The following GRM8 variants were observed in gnomAD, a reference collection of about 807,000 sequenced individuals.
The protein encoded by GRM8 is metabotropic glutamate receptor 8.
GRM8 carries 47 observed loss-of-function variants against 87.2 expected under a neutral mutation model. That is an observed-to-expected ratio of 0.54 (90% CI 0.43 to 0.69). The LOEUF (loss-of-function observed/expected upper bound fraction) is 0.69, where lower values mean the gene tolerates loss of function less well. Among genes scored for constraint, GRM8 ranks in the 30% least tolerant of loss-of-function variants. The pLI, the probability that GRM8 is intolerant of heterozygous loss-of-function variation, is 0.00. For synonymous variants in GRM8, 396 were observed against 404.5 expected (o/e 0.98, Z 0.25); for missense variants, 1,019 against 1,139.2 (o/e 0.89, Z 1.52).
intron 3 of GRM8, among the ~76,000 whole-genome samples, chr7:126,927,238 T>C (rs1276977799): frequency 6.6e-6 from 1 of 152,176 alleles, no homozygotes; most frequent in African/African-American, 2.4e-5. Context: ...TGGGCTCAAC[T>C]GATCTTACCA....
intron 9 of GRM8, among the ~76,000 whole-genome samples, chr7:126,479,672 G>A (rs1408959978): frequency 6.6e-6 from 1 of 151,882 alleles, no homozygotes; most frequent in Non-Finnish European, 1.5e-5. Flanking sequence ...TTAAATAATG[G>A]TACTATGAAC....
At chr7:127,178,710 C>T (rs1794258087) in intron 2 of GRM8, among the ~76,000 whole-genome samples, 1 of 152,192 alleles carries the variant, frequency 6.6e-6, no homozygotes, top group African/African-American at 2.4e-5. Flanking sequence ...AAACAATTAT[C>T]AGCCAAGAAT....
intron 8 of GRM8, among the ~76,000 whole-genome samples, chr7:126,568,984 A>G (rs764399732): frequency 3.3e-5 from 5 of 152,194 alleles, no homozygotes; most frequent in Non-Finnish European, 5.9e-5. Flanking sequence ...ATCCTGAATA[A>G]ATAAACCAGA....
chr7:126,940,032 C>A (rs540044167), intron 3 of GRM8, among the ~76,000 whole-genome samples: 1 of 152,114 alleles, frequency 6.6e-6, no homozygotes, highest in Non-Finnish European at 1.5e-5. Flanking sequence ...ATCATTTTAC[C>A]AAACATCCAG....
intron 3 of GRM8, among the ~76,000 whole-genome samples, chr7:127,037,408 A>G (rs1037374276): frequency 6.6e-6 from 1 of 152,148 alleles, no homozygotes; most frequent in African/African-American, 2.4e-5. Context: ...GGAAGAGCCC[A>G]GGTCTCTCAC....
At chr7:126,562,383 T>G (rs963413794) in intron 8 of GRM8, among the ~76,000 whole-genome samples, 1 of 152,210 alleles carries the variant, frequency 6.6e-6, no homozygotes, top group Non-Finnish European at 1.5e-5. Flanking sequence ...GGTAACAGAA[T>G]GGCTGGTTGG....
intron 3 of GRM8, chr7:127,084,265 T>C (rs990406129): frequency 2.0e-5 from 3 of 152,140 alleles, no homozygotes; most frequent in East Asian, 3.9e-4. Flanking sequence ...TGGTAGAATA[T>C]TAAAAATAGA....
chr7:126,560,184 C>T (rs1436765243), intron 8 of GRM8, among the ~76,000 whole-genome samples: 1 of 152,146 alleles, frequency 6.6e-6, no homozygotes, highest in Non-Finnish European at 1.5e-5. Flanking sequence ...TTCAAATCCA[C>T]ATAATTTTTA....
At chr7:126,688,739 G>GACACATAC (rs1554452979) in intron 7 of GRM8, among the ~76,000 whole-genome samples, 2 of 145,720 alleles carry the variant, frequency 1.4e-5, no homozygotes, top group African/African-American at 5.1e-5. Context: ...CTCTCTTTCT[G>GACACATAC]ACACACACAC....
intron 3 of GRM8, among the ~76,000 whole-genome samples, chr7:126,956,320 CT>C (rs1374809980): frequency 6.6e-6 from 1 of 152,052 alleles, no homozygotes; most frequent in Non-Finnish European, 1.5e-5. Context: ...CACTATATCA[CT>C]TACTATTATA....
intron 9 of GRM8, among the ~76,000 whole-genome samples, chr7:126,497,945 G>A (rs1809026595): frequency 6.6e-6 from 1 of 151,938 alleles, no homozygotes; most frequent in Non-Finnish European, 1.5e-5. Context: ...AAAGTGCAAG[G>A]GAATAATTGG....
chr7:126,922,736 G>A (rs761362563), intron 3 of GRM8, among the ~76,000 whole-genome samples: 1 of 152,080 alleles, frequency 6.6e-6, no homozygotes, highest in Non-Finnish European at 1.5e-5. Context: ...GGAGGTGATT[G>A]GATCATGTGG....
chr7:126,692,517 C>T (rs996226152), intron 7 of GRM8, among the ~76,000 whole-genome samples: 1 of 152,196 alleles, frequency 6.6e-6, no homozygotes, highest in Non-Finnish European at 1.5e-5. Context: ...ATCTTCAGGA[C>T]ATGGCATTAC....
intron 10 of GRM8, among the ~76,000 whole-genome samples, chr7:126,443,952 T>G (rs1801731511): frequency 6.6e-6 from 1 of 151,942 alleles, no homozygotes; most frequent in Non-Finnish European, 1.5e-5. Context: ...GGTGAAAAAG[T>G]TTATTAAATT....
chr7:126,929,941 A>C (rs1805588181), intron 3 of GRM8, among the ~76,000 whole-genome samples: 1 of 149,588 alleles, frequency 6.7e-6, no homozygotes, highest in African/African-American at 2.5e-5. Flanking sequence ...GAGATAATTA[A>C]ATAATATTTG....
chr7:126,538,261 C>A (rs1816079627), intron 8 of GRM8, among the ~76,000 whole-genome samples: 1 of 152,132 alleles, frequency 6.6e-6, no homozygotes, highest in Non-Finnish European at 1.5e-5. Flanking sequence ...AATTTTCAAT[C>A]TTTTCAGAAA....
At chr7:127,014,933 G>C (rs919432036) in intron 3 of GRM8, among the ~76,000 whole-genome samples, 2 of 139,154 alleles carry the variant, frequency 1.4e-5, no homozygotes, top group Non-Finnish European at 3.0e-5. Context: ...GAAGGAGAGA[G>C]AGAGAGAGAG....
chr7:126,636,962 A>G (rs986114847), intron 7 of GRM8, among the ~76,000 whole-genome samples: 3 of 152,076 alleles, frequency 2.0e-5, no homozygotes, highest in Admixed American at 2.0e-4. Flanking sequence ...ATGTTATTAA[A>G]ATAGCTACGC....
At chr7:127,083,567 A>G (rs1167772521) in intron 3 of GRM8, among the ~76,000 whole-genome samples, 1 of 151,560 alleles carries the variant, frequency 6.6e-6, no homozygotes, top group African/African-American at 2.4e-5. Flanking sequence ...CAAATGCCCT[A>G]CCTCCTTAGT....
Sources: allele counts gnomAD v4.1 joint callset (sites outside exome capture counted in the v4.1 genomes callset), GRCh38; gene constraint gnomAD v4.1.1; transcripts MANE v1.5; gene names NCBI Gene and HGNC (gene_info 2026-07-23, HGNC 2026-07-21).